NEB: variants seen among roughly 807,000 people sequenced by gnomAD.
NEB encodes nemaline myopathy type 2.
NEB carries 512 observed loss-of-function variants against 952.2 expected under a neutral mutation model. That is an observed-to-expected ratio of 0.54 (90% CI 0.50 to 0.58). The LOEUF (loss-of-function observed/expected upper bound fraction) is 0.58, where lower values mean the gene tolerates loss of function less well. Ranked by LOEUF, NEB falls within the 20% of genes least tolerant of loss-of-function variation. NEB has a pLI of 0.00. For missense variants in NEB, 8,428 were observed against 9,231.1 expected, an observed-to-expected ratio of 0.91 and a Z score of 3.56; for synonymous variants, 2,900 against 3,149.8, an observed-to-expected ratio of 0.92 and a Z score of 2.66.
chr2:151,616,574 A>G (rs2098204818), intron 75 of NEB, among the ~76,000 whole-genome samples: 1 of 152,086 alleles, frequency 6.6e-6, no homozygotes, highest in Admixed American at 6.6e-5. Flanking sequence ...TGCACCTGCA[A>G]TCCCAGTTAC....
chr2:151,654,895 C>T (rs2099071828), intron 51 of NEB, among the ~76,000 whole-genome samples: 1 of 152,156 alleles, frequency 6.6e-6, no homozygotes, highest in Non-Finnish European at 1.5e-5. Context: ...CAATGTTGCC[C>T]AAACTGGATT....
At position 151,639,278 on chromosome 2, in the gene NEB, A is replaced by G. The variant is rs1553962493; in HGVS notation, c.8994+2T>C. The G allele has an allele frequency of 6.5e-7, 1 of 1,534,160 alleles. No individual in the cohort carries two copies. The highest frequency in any genetic ancestry group is 8.8e-7 in the Non-Finnish European group (1 of 1,141,328). On this transcript the variant is annotated splice_donor_variant, in intron 63 of 181. Transcript: ENST00000397345. LOFTEE classifies it high-confidence loss of function. ...TGCAAATGTCAAAGAATCTGCTCTC[A>G]CCTCACTGTAGTTGATTTTGTTCAT...
intron 143 of NEB, 43 bp from the exon 144 acceptor site, chr2:151,531,939 G>A: frequency 2.3e-6 from 3 of 1,330,638 alleles, no homozygotes; most frequent in South Asian, 1.2e-5. Flanking sequence ...AAGTTGTAGA[G>A]TGGGCTTTAA....
At position 151,617,488 on chromosome 2, in the gene NEB, A is replaced by G; in HGVS notation, c.11077-20T>C. 8.3e-7 allele frequency: 1 copy of G among 1,204,982 alleles called. No homozygotes were observed. The highest frequency in any genetic ancestry group is 1.1e-6 in the Non-Finnish European group (1 of 877,118). 74.6% of individuals were successfully genotyped at this position (1,204,982 alleles called of 1,614,324 possible). A position where few individuals can be genotyped will look rare whatever the true frequency, so the allele number is the denominator to read the frequency against. On this transcript the variant is annotated intron_variant, in intron 74 of 181. Coordinates refer to ENST00000397345, the MANE Select transcript of NEB (RefSeq NM_001164508.2). ...TAAGCGCTACAAAAAAAAAAAAAAA[A>G]GAGAGAGAGAGAGAGAAAAATTATT...
chr2:151,551,751 T>G lies in NEB; in HGVS notation c.19931A>C (p.Lys6644Thr), dbSNP rs1350242765. The change falls in exon 129 of 182, where the codon AAG (lysine) becomes ACG (threonine). Residue 6644 changes from lysine (K) to threonine (T), a missense_variant. Transcript: ENST00000397345. ...CTCACTGCTCACCGAACTCTGGAGCTTGTATGCATGAAGGGCCCGGTCCAG... is the reference window on the plus strand; with the variant it reads ...CTCACTGCTCACCGAACTCTGGAGCGTGTATGCATGAAGGGCCCGGTCCAG... ...VDLDRALHAY[K>T]LQSSNLYKTS... 5.0e-6 allele frequency: 8 copies of G among 1,613,354 alleles called. No homozygotes were observed. The East Asian group carries it at 1.6e-4, about 31-fold the overall frequency.
Position 151,653,927 on chromosome 2 carries a change from TA to T in NEB, c.6915+64del, listed in dbSNP as rs1411748495. Reference sequence around the variant, plus strand: ...GGTAAAGACTATCCATAAAAATAGTTACCGACATTAAGTCACCTGATTCAGA... The same window carrying T: ...GGTAAAGACTATCCATAAAAATAGTTCCGACATTAAGTCACCTGATTCAGA... On this transcript the variant is annotated intron_variant, in intron 52 of 181. Coordinates refer to ENST00000397345, the MANE Select transcript of NEB (RefSeq NM_001164508.2). 2.9e-6 allele frequency: 3 copies of T among 1,028,478 alleles called. No individual in the cohort carries two copies. The Admixed American group carries it at 5.8e-5, about 20-fold the overall frequency. 63.7% of individuals were successfully genotyped at this position (1,028,478 alleles called of 1,614,324 possible). A position where few individuals can be genotyped will look rare whatever the true frequency, so the allele number is the denominator to read the frequency against.
At chr2:151,529,351 T>C in intron 145 of NEB, 37 bp from the exon 146 acceptor site, 1 of 1,295,112 alleles carries the variant, frequency 7.7e-7, no homozygotes, top group Non-Finnish European at 1.1e-6. Flanking sequence ...TTAATTTTTT[T>C]ATAGCAGCAT....
intron 135 of NEB, 75 bp downstream of exon 135, chr2:151,545,813 C>T: frequency 1.1e-6 from 1 of 883,224 alleles, no homozygotes; most frequent in African/African-American, 1.7e-5. Context: ...ACTAGAGGAA[C>T]TAAGAGCCTT....
At chr2:151,567,562 C>T in intron 113 of NEB, 83 bp from the exon 114 acceptor site, 1 of 1,263,694 alleles carries the variant, frequency 7.9e-7, no homozygotes, top group East Asian at 2.6e-5. Flanking sequence ...TAAGGGATAT[C>T]AGCAAATTCA....
At chr2:151,716,943 T>C (rs746581105) in intron 10 of NEB, among the ~76,000 whole-genome samples, 16 of 152,376 alleles carry the variant, frequency 1.1e-4, no homozygotes, top group Non-Finnish European at 1.8e-4. Flanking sequence ...TAGACTAAGC[T>C]GTTTGTTAGG....
intron 72 of NEB, 149 bp from the exon 73 acceptor site, chr2:151,619,911 G>A: frequency 2.5e-6 from 2 of 790,356 alleles, no homozygotes. Context: ...GGACTGTTGT[G>A]CTCATTGGCA....
Position 151,724,339 on chromosome 2 carries a change from T to C in NEB, c.533A>G (p.Asp178Gly), listed in dbSNP as rs779306921. ...AGGAAGCAGGTACTTATCCTTGGTGTCTTCCCAGTTCTGCTTGTATAAAAC... is the reference window on the plus strand; with the variant it reads ...AGGAAGCAGGTACTTATCCTTGGTGCCTTCCCAGTTCTGCTTGTATAAAAC... The part of the protein sequence containing the change: ...SKVLYKQNWE[D>G]TKDKYLLPPD... Residue 178 changes from aspartate (D) to glycine (G), a missense_variant, in exon 8 of 182, where the codon GAC becomes GGC. This residue lies in a region of NEB where 2,851 missense variants were observed against 2,791.5 expected (regional missense o/e 1.02). Coordinates refer to ENST00000397345, the MANE Select transcript of NEB (RefSeq NM_001164508.2). 1.9e-6 allele frequency: 3 copies of C among 1,612,126 alleles called. No individual in the cohort carries two copies. The Admixed American group carries it at 5.0e-5, about 27-fold the overall frequency.
rs1246003078 is a variant in NEB, at chr2:151,625,553, T to C, written c.10433A>G (p.Asn3478Ser). Residue 3478 changes from asparagine to serine, a missense_variant, in exon 71 of 182, where the codon AAT becomes AGT. By Grantham distance (46) the Asn-to-Ser change is conservative (BLOSUM62 1). Coordinates refer to ENST00000397345, the MANE Select transcript of NEB (RefSeq NM_001164508.2). ...DTPEIMLARQ[N>S]KINYSESLYR... ...TCTTACCTCACTATAATTTATTTTA[T>C]TTTGTCTTGCCAACATGATTTCAGG... is the stretch of plus-strand genomic sequence containing the variant. The C allele has an allele frequency of 6.2e-7, 1 of 1,600,316 alleles. No individual in the cohort carries two copies. Among genetic ancestry groups the C allele is most frequent in the Admixed American group, 1.7e-5 (1 of 59,856 alleles).
In NEB at chr2:151,535,754, G is replaced by T. The variant is rs1559654462; in HGVS notation, c.21249C>A (p.Phe7083Leu). The T allele has an allele frequency of 6.2e-7, 1 of 1,608,126 alleles. No homozygotes were observed. Among genetic ancestry groups the T allele is most frequent in the Non-Finnish European group, 8.5e-7 (1 of 1,176,820 alleles). ...TGATCGGAGAGTCGGCAACATACTT[G>T]AAATCTGACTTTGTCCTTTCAAATA... Reference protein sequence around the residue: ...KEVFERTKSDFKYVADSPINR... With the variant: ...KEVFERTKSDLKYVADSPINR... Residue 7083 changes from phenylalanine (F) to leucine (L), a missense_variant, in exon 142 of 182, where the codon TTC (phenylalanine) becomes TTA (leucine). Phe to Leu is a conservative substitution (Grantham distance 22). Around this residue, in one of 11 missense-constraint regions of NEB, gnomAD observed 3,374 missense variants for 3,651.5 expected, o/e 0.92. Coordinates refer to ENST00000397345, the MANE Select transcript of NEB (RefSeq NM_001164508.2).
At chr2:151,670,412 A>AAT in intron 38 of NEB, among the ~76,000 whole-genome samples, 1 of 144,932 alleles carries the variant, frequency 6.9e-6, no homozygotes, top group African/African-American at 2.8e-5. Flanking sequence ...CTTCTGACAG[A>AAT]AAGAATAAGA....
intron 55 of NEB, among the ~76,000 whole-genome samples, chr2:151,644,841 T>C (rs1429320005): frequency 6.6e-6 from 1 of 152,140 alleles, no homozygotes; most frequent in Non-Finnish European, 1.5e-5. Context: ...TTCCGAGAAA[T>C]GTATTGTTAG....
intron 32 of NEB, 66 bp from the exon 33 acceptor site, chr2:151,678,253 C>T (rs2099387481): frequency 3.8e-6 from 4 of 1,065,586 alleles, no homozygotes; most frequent in African/African-American, 1.6e-5. Flanking sequence ...ACAATGAGGC[C>T]ATGATTTGAA....
chr2:151,653,189 C>T (rs1026594266), intron 52 of NEB, among the ~76,000 whole-genome samples: 1 of 152,224 alleles, frequency 6.6e-6, no homozygotes, highest in African/African-American at 2.4e-5. Context: ...AGAGGTCCTA[C>T]TTCCCTATGA....
chr2:151,530,261 G>T (rs2089927693), intron 145 of NEB, among the ~76,000 whole-genome samples: 1 of 152,178 alleles, frequency 6.6e-6, no homozygotes, highest in Non-Finnish European at 1.5e-5. Flanking sequence ...GTATATGTGG[G>T]TTTGGATAGG....
Sources: gnomAD v4.1 joint callset for allele counts (sites outside exome capture counted in the v4.1 genomes callset) on GRCh38, gnomAD v4.1.1 for gene constraint, gnomAD v4.1.1 regional missense constraint, MANE v1.5 for transcripts, NCBI Gene and HGNC (gene_info 2026-07-23, HGNC 2026-07-21) for gene names.